C19orf38: variants seen among roughly 807,000 people sequenced by gnomAD.
C19orf38 encodes protein HIDE1.
A neutral mutation model predicts 26.6 loss-of-function variants in C19orf38; 14 were observed. That is an observed-to-expected ratio of 0.53 (90% CI 0.35 to 0.82). The LOEUF is 0.82. C19orf38 is among the 40% of genes least tolerant of loss of function. C19orf38 has a pLI of 0.01. For synonymous variants in C19orf38, 132 were observed against 128.5 expected (o/e 1.03, Z -0.18); for missense variants, 261 against 299.5 (o/e 0.87, Z 0.95).
At chr19:10,837,153 T>G (rs1161778282) in intron 1 of C19orf38, among the ~76,000 whole-genome samples, 2 of 152,202 alleles carry the variant, frequency 1.3e-5, no homozygotes, top group East Asian at 1.9e-4. Context: ...GCTTGTTGAG[T>G]GCTTGCTTCC....
chr19:10,845,010 T>G (rs939144442), upstream of C19orf38, among the ~76,000 whole-genome samples: 18 of 113,764 alleles, frequency 1.6e-4, no homozygotes, highest in Admixed American at 1.3e-3. Flanking sequence ...AAAAAAAAAA[T>G]TTAGCCAGGT....
intron 4 of C19orf38, among the ~76,000 whole-genome samples, chr19:10,859,272 GTGTGTGTA>G (rs1225560082): frequency 5.3e-4 from 70 of 133,264 alleles, no homozygotes; most frequent in Non-Finnish European, 1.0e-3. Context: ...GTGTGTGTGT[GTGTGTGTA>G]TGTGTGTGTG....
At chr19:10,850,019 A>G (rs2073553203) in intron 1 of C19orf38, among the ~76,000 whole-genome samples, 1 of 152,138 alleles carries the variant, frequency 6.6e-6, no homozygotes, top group Admixed American at 6.5e-5. Context: ...AGATCACACC[A>G]CTACATTCCA....
chr19:10,838,622 G>A (rs2073455681), intron 1 of C19orf38, among the ~76,000 whole-genome samples: 1 of 152,076 alleles, frequency 6.6e-6, no homozygotes, highest in South Asian at 2.1e-4. Context: ...CAAGGACCAG[G>A]ACACACAAAA....
intron 1 of C19orf38, 49 bp downstream of exon 1, chr19:10,848,588 C>T (rs2073538038): frequency 7.5e-7 from 1 of 1,339,724 alleles, no homozygotes; most frequent in Non-Finnish European, 9.9e-7. Context: ...TCCCCCCATC[C>T]TCTGTCCACC....
Sources: gnomAD v4.1 joint callset for allele counts (sites outside exome capture counted in the v4.1 genomes callset) on GRCh38, gnomAD v4.1.1 for gene constraint, MANE v1.5 for transcripts, NCBI Gene and HGNC (gene_info 2026-07-23, HGNC 2026-07-21) for gene names.